IL3RA: variants seen among roughly 807,000 people sequenced by gnomAD.
The protein encoded by IL3RA is interleukin-3 receptor subunit alpha.
A neutral mutation model predicts 52.3 loss-of-function variants in IL3RA; 73 were observed. The observed-to-expected ratio is 1.40, with a 90% CI of 1.16 to 1.70. The LOEUF is 1.70. IL3RA is among the 40% of genes most tolerant of loss of function. The pLI is 0.00. For synonymous variants in IL3RA, 260 were observed against 194.0 expected, an observed-to-expected ratio of 1.34 and a Z score of -2.83; for missense variants, 664 against 504.4, an observed-to-expected ratio of 1.32 and a Z score of -3.03.
intron 9 of IL3RA, among the ~76,000 whole-genome samples, chrX:1,367,554 CGCGGGGTGCGCCGGGTGCGCGGGGTGA>C: frequency 1.1e-5 from 1 of 87,122 alleles, no homozygotes; most frequent in Non-Finnish European, 2.1e-5. Flanking sequence ...GAGCCGGGTG[CGCGGGGTGCGCCGGGTGCGCGGGGTGA>C]GCGGGGTGAG....
chrX:1,358,742 C>A, intron 7 of IL3RA, 119 bp from the exon 8 acceptor site: 1 of 1,003,480 alleles, frequency 1.0e-6, no homozygotes, highest in Non-Finnish European at 1.6e-6. Flanking sequence ...TGCCCGAAGG[C>A]CTTCCCAGAG....
At chrX:1,356,370 C>A (rs781092672) in intron 7 of IL3RA, 34 bp downstream of exon 7, 1 of 1,370,310 alleles carries the variant, frequency 7.3e-7, no homozygotes, top group Non-Finnish European at 1.0e-6. Flanking sequence ...CCCCCCCACC[C>A]CCGTGGACAT....
At chrX:1,355,595 GT>G (rs2086648586) in intron 6 of IL3RA, among the ~76,000 whole-genome samples, 1 of 150,676 alleles carries the variant, frequency 6.6e-6, no homozygotes, top group African/African-American at 2.4e-5. Flanking sequence ...AGTGCCTGGG[GT>G]TCCCGGGAAG....
At chrX:1,339,002 T>C (rs2085394442) in intron 1 of IL3RA, among the ~76,000 whole-genome samples, 1 of 151,950 alleles carries the variant, frequency 6.6e-6, no homozygotes, top group Non-Finnish European at 1.5e-5. Context: ...GTATGTTTAG[T>C]AGAGTAGTAG....
intron 10 of IL3RA, 51 bp from the exon 11 acceptor site, chrX:1,380,972 T>G (rs2089150406): frequency 1.3e-3 from 1,841 of 1,446,184 alleles, no homozygotes; most frequent in Non-Finnish European, 1.6e-3. Flanking sequence ...TCCCAGATGA[T>G]GAGCTGGTCG....
chrX:1,341,919 CTT>C, intron 2 of IL3RA, 90 bp downstream of exon 2: 5 of 1,367,876 alleles, frequency 3.7e-6, no homozygotes, highest in Non-Finnish European at 5.2e-6. Flanking sequence ...TTCAGGGAAA[CTT>C]TTCATGCTGA....
In IL3RA at chrX:1,348,474, G is replaced by T. The variant is rs141873872; in HGVS notation, c.227G>T (p.Cys76Phe). 22 of 1,613,878 alleles carry T rather than the reference G, an allele frequency of 1.4e-5. No homozygotes were observed. The South Asian group carries it at 2.2e-4, about 16-fold the overall frequency. ...TGCCAGTTTGGAGCAATTTCCTTATGTGAAGTGACCAACTACACCGTCCGA... is the reference window on the plus strand; with the variant it reads ...TGCCAGTTTGGAGCAATTTCCTTATTTGAAGTGACCAACTACACCGTCCGA... ...SYCQFGAISL[C>F]EVTNYTVRVA... The change falls in exon 4 of 12, where the codon TGT becomes TTT. Residue 76 changes from cysteine to phenylalanine, a missense_variant. Coordinates refer to ENST00000331035, the MANE Select transcript of IL3RA (RefSeq NM_002183.4).
chrX:1,376,344 T>C (rs1300777677), intron 9 of IL3RA, among the ~76,000 whole-genome samples: 120 of 16,618 alleles, frequency 7.2e-3, no homozygotes, highest in Middle Eastern at 0.031. Flanking sequence ...GACTAAGACA[T>C]CTCATAAGAA....
chrX:1,351,001 A>G (rs17884216), intron 4 of IL3RA, among the ~76,000 whole-genome samples: 114,007 of 151,668 alleles, frequency 0.75, 43,292 homozygotes, highest in Middle Eastern at 0.83. Flanking sequence ...GAGGTCAGGA[A>G]TTCGCGACCA....
chrX:1,368,312 C>T (rs746409881), intron 9 of IL3RA, among the ~76,000 whole-genome samples: 46 of 152,140 alleles, frequency 3.0e-4, no homozygotes, highest in African/African-American at 9.9e-4. Context: ...TGGCCGGGCA[C>T]GGTGACTCAT....
At chrX:1,378,889 C>G in intron 10 of IL3RA, 125 bp downstream of exon 10, 1 of 942,880 alleles carries the variant, frequency 1.1e-6, no homozygotes, top group Non-Finnish European at 1.6e-6. Context: ...GTCTCCCAGG[C>G]TGGAGTGCAG....
intron 9 of IL3RA, among the ~76,000 whole-genome samples, chrX:1,377,197 C>T (rs1949060234): frequency 6.6e-6 from 1 of 152,192 alleles, no homozygotes; most frequent in Non-Finnish European, 1.5e-5. Context: ...CTGCAGCTTC[C>T]AGGACTGTGG....
At chrX:1,344,694 A>C (rs1348698989) in intron 2 of IL3RA, among the ~76,000 whole-genome samples, 7 of 151,056 alleles carry the variant, frequency 4.6e-5, no homozygotes, top group Admixed American at 4.0e-4. Flanking sequence ...AATCGCTTGA[A>C]CCCGGGAGGT....
At chrX:1,342,069 G>A (rs2148877558) in intron 2 of IL3RA, among the ~76,000 whole-genome samples, 1 of 152,220 alleles carries the variant, frequency 6.6e-6, no homozygotes, top group East Asian at 1.9e-4. Flanking sequence ...TGACACAGAT[G>A]CCATGTGAGG....
chrX:1,345,432 C>A lies in IL3RA; in HGVS notation c.181C>A (p.Pro61Thr). Residue 61 changes from proline to threonine, a missense_variant and splice_region_variant, in exon 3 of 12, where the codon CCG (proline) becomes ACG (threonine). Coordinates refer to ENST00000331035, the MANE Select transcript of IL3RA (RefSeq NM_002183.4). ...ECVKDADYSMPAVNNSYCQFG... is the reference protein window; with the variant it reads ...ECVKDADYSMTAVNNSYCQFG... The stretch of plus-strand genomic sequence containing the variant: ...TGTTAAAGACGCCGACTATTCTATG[C>A]CGGTAAATCATACTCTCTATTGTTT... 5 of 1,558,796 alleles carry A rather than the reference C, an allele frequency of 3.2e-6. No homozygotes were observed. The highest frequency in any genetic ancestry group is 4.4e-6 in the Non-Finnish European group (5 of 1,137,682).
chrX:1,345,802 T>C (rs182702180), intron 3 of IL3RA, among the ~76,000 whole-genome samples: 3 of 151,968 alleles, frequency 2.0e-5, no homozygotes, highest in Non-Finnish European at 1.5e-5. Flanking sequence ...GACTCTCTAA[T>C]GTTGACGAAC....
chrX:1,362,297 C>A, intron 8 of IL3RA, among the ~76,000 whole-genome samples: 1 of 151,736 alleles, frequency 6.6e-6, no homozygotes, highest in South Asian at 2.1e-4. Context: ...TCTGTCTCCC[C>A]TCTCTGTGTC....
At chrX:1,342,646 T>C (rs1427380582) in intron 2 of IL3RA, among the ~76,000 whole-genome samples, 1 of 147,582 alleles carries the variant, frequency 6.8e-6, no homozygotes, top group Non-Finnish European at 1.5e-5. Context: ...CTGCAACCTC[T>C]ACCTGCTGGG....
chrX:1,381,942 T>C (rs1466651397), intron 11 of IL3RA, among the ~76,000 whole-genome samples: 2 of 151,402 alleles, frequency 1.3e-5, no homozygotes, highest in African/African-American at 4.9e-5. Flanking sequence ...TGTTTTGTTT[T>C]GTTTTGTTTG....
Sources: allele counts gnomAD v4.1 joint callset (sites outside exome capture counted in the v4.1 genomes callset), GRCh38; gene constraint gnomAD v4.1.1; transcripts MANE v1.5; gene names NCBI Gene and HGNC (gene_info 2026-07-23, HGNC 2026-07-21).